Variants in THOC2 observed in about 807,000 individuals in gnomAD.
The protein encoded by THOC2 is THO complex subunit 2, also known as THO complex 2.
Under a neutral mutation model 128.4 loss-of-function variants are expected in THOC2, and 10 were observed. That is an observed-to-expected ratio of 0.08 (90% CI 0.05 to 0.13). The LOEUF (loss-of-function observed/expected upper bound fraction) is 0.13, where lower values mean the gene tolerates loss of function less well. Ranked by LOEUF, THOC2 falls within the 10% of genes least tolerant of loss-of-function variation. The pLI, the probability that THOC2 is intolerant of heterozygous loss-of-function variation, is 1.00. For synonymous variants in THOC2, 393 were observed against 396.9 expected (o/e 0.99, Z 0.12); for missense variants, 535 against 1,155.7 (o/e 0.46, Z 7.79).
intron 7 of THOC2, among the ~76,000 whole-genome samples, chrX:123,688,599 T>A (rs1487881376): frequency 9.0e-6 from 1 of 110,645 alleles, no homozygotes; most frequent in East Asian, 2.8e-4. Flanking sequence ...GGCACATGCC[T>A]GTAGTCCCAG....
chrX:123,673,728 C>A (rs2049373275), intron 8 of THOC2, among the ~76,000 whole-genome samples: 1 of 112,351 alleles, frequency 8.9e-6, no homozygotes, highest in South Asian at 3.7e-4. Context: ...GTGGTGCTCA[C>A]ACAGAGCCTG....
chrX:123,643,602 A>G (rs1324687685), intron 15 of THOC2, among the ~76,000 whole-genome samples: 1 of 110,579 alleles, frequency 9.0e-6, no homozygotes, highest in African/African-American at 3.3e-5. Context: ...ATCTAATATC[A>G]ACTCCTGCCA....
intron 38 of THOC2, among the ~76,000 whole-genome samples, chrX:123,605,429 CAG>C (rs1416212946): frequency 9.0e-6 from 1 of 111,327 alleles, no homozygotes; most frequent in Non-Finnish European, 1.9e-5. Flanking sequence ...ATAATGAAGA[CAG>C]AAATGATTTG....
At chrX:123,613,740 A>G in intron 34 of THOC2, 32 bp from the exon 35 acceptor site, 1 of 1,170,753 alleles carries the variant, frequency 8.5e-7, no homozygotes, top group Non-Finnish European at 1.2e-6. Context: ...TACATTGACC[A>G]AGGGCTTCTG....
chrX:123,640,605 T>C lies in THOC2; in HGVS notation c.1679A>G (p.Asn560Ser), dbSNP rs1390915997. 2 of 1,182,233 alleles carry C rather than the reference T, an allele frequency of 1.7e-6. No individual in the cohort carries two copies. Among genetic ancestry groups the C allele is most frequent in the East Asian group, 6.1e-5 (2 of 32,762 alleles). ...KYIMKRLTKE[N>S]VKPSGRQIGK... is the part of the protein sequence containing the mutation. ...AATTTGTCTTCCAGAAGGCTTCACA[T>C]TTTCCTTGGTTAGGCGCCTACGGAG... is the stretch of plus-strand genomic sequence containing the variant. Residue 560 changes from asparagine (N) to serine (S), a missense_variant, in exon 16 of 39, where the codon AAT becomes AGT. Asn to Ser is a conservative substitution (Grantham distance 46). Transcript: ENST00000245838.
At chrX:123,724,646 C>A (rs894049800) in intron 1 of THOC2, among the ~76,000 whole-genome samples, 1 of 111,085 alleles carries the variant, frequency 9.0e-6, no homozygotes, top group African/African-American at 3.3e-5. Context: ...GACTGCATCA[C>A]CGCACTCCAA....
At chrX:123,627,353 G>C (rs1369444161) in intron 23 of THOC2, among the ~76,000 whole-genome samples, 1 of 111,336 alleles carries the variant, frequency 9.0e-6, no homozygotes, top group Non-Finnish European at 1.9e-5. Context: ...TTCAAGGCCT[G>C]TCCATTTCAA....
intron 33 of THOC2, 72 bp from the exon 34 acceptor site, chrX:123,614,261 A>C: frequency 1.1e-6 from 1 of 904,876 alleles, no homozygotes; most frequent in South Asian, 3.6e-5. Flanking sequence ...TGTTTACTAA[A>C]TGAAACACAA....
chrX:123,615,370 C>G (rs2046850807), intron 33 of THOC2, among the ~76,000 whole-genome samples: 1 of 110,904 alleles, frequency 9.0e-6, no homozygotes, highest in African/African-American at 3.3e-5. Flanking sequence ...CATAGCAATG[C>G]AGAAGTAGAT....
Position 123,698,089 on chromosome X carries a change from T to TAA in THOC2, c.275-340_275-339dup, listed in dbSNP as rs745532091. Among the ~76,000 whole-genome samples the TAA allele has an allele frequency of 7.6e-4, 65 of 85,370 alleles. 1 individual carries two copies. Among genetic ancestry groups the TAA allele is most frequent in the Middle Eastern group, 5.9e-3 (1 of 170 alleles). 74.1% of individuals were successfully genotyped at this position (85,370 alleles called of 115,157 possible). A position where few individuals can be genotyped will look rare whatever the true frequency, so the allele number is the denominator to read the frequency against. On this transcript the variant is annotated intron_variant, in intron 4 of 38. Transcript: ENST00000245838. ...TTAAATGACCACTTGTCAGAGATGC[T>TAA]AAAAAAAAAAAAAAAAGATTATTTT...
chrX:123,667,336 T>TACTG (rs2049087481), intron 10 of THOC2, 58 bp from the exon 11 acceptor site: 1 of 905,024 alleles, frequency 1.1e-6, no homozygotes. Flanking sequence ...GAAATCTTAA[T>TACTG]ACTTTGTCAC....
intron 8 of THOC2, among the ~76,000 whole-genome samples, chrX:123,673,018 T>A (rs1390654715): frequency 8.9e-6 from 1 of 112,506 alleles, no homozygotes; most frequent in Non-Finnish European, 1.9e-5. Flanking sequence ...TGAGATGTCT[T>A]CAATGTAACA....
chrX:123,628,612 G>GGGAT (rs1172854934), intron 22 of THOC2, among the ~76,000 whole-genome samples: 49 of 109,958 alleles, frequency 4.5e-4, no homozygotes, highest in Middle Eastern at 4.6e-3. Flanking sequence ...TTGGGAGGCT[G>GGGAT]AGGTGAGAGG....
Position 123,631,736 on chromosome X carries a change from A to G in THOC2, c.2433T>C (p.His811=). The G allele has an allele frequency of 8.3e-7, 1 of 1,210,512 alleles. No individual in the cohort carries two copies. The highest frequency in any genetic ancestry group is 1.1e-6 in the Non-Finnish European group (1 of 894,397). The change falls in exon 22 of 39, where the codon CAT becomes CAC. Residue 811 remains histidine, a synonymous_variant. Coordinates refer to ENST00000245838, the MANE Select transcript of THOC2 (RefSeq NM_001081550.2). The part of the protein sequence containing the change: ...DVLCNEFHTP[H]DAAFFLSRPM... ...GCCTAGACAGGAAAAATGCTGCATC[A>G]TGGGGTGTATGAAATTCATTACAGA...
At chrX:123,633,464 G>A (rs1603252985) in intron 20 of THOC2, among the ~76,000 whole-genome samples, 1 of 111,378 alleles carries the variant, frequency 9.0e-6, no homozygotes, top group South Asian at 3.8e-4. Context: ...GTACGATGGC[G>A]AGATCTTGGC....
chrX:123,671,339 G>A (rs1461751276), intron 9 of THOC2, among the ~76,000 whole-genome samples: 2 of 111,472 alleles, frequency 1.8e-5, no homozygotes, highest in Non-Finnish European at 3.8e-5. Flanking sequence ...AAACCACATT[G>A]GTTAGAACTT....
chrX:123,648,040 C>T (rs1263740811), intron 12 of THOC2, among the ~76,000 whole-genome samples: 3 of 110,350 alleles, frequency 2.7e-5, no homozygotes, highest in Non-Finnish European at 3.8e-5. Flanking sequence ...GGAACAGCTC[C>T]GGTCTGCAGC....
At chrX:123,635,346 G>GT (rs755929344) in intron 19 of THOC2, among the ~76,000 whole-genome samples, 1 of 111,659 alleles carries the variant, frequency 9.0e-6, no homozygotes, top group Non-Finnish European at 1.9e-5. Context: ...TAAGTTTAAA[G>GT]TTTTTTTAAG....
chrX:123,680,786 T>G (rs1276443199), intron 8 of THOC2, among the ~76,000 whole-genome samples: 1 of 111,891 alleles, frequency 8.9e-6, no homozygotes, highest in South Asian at 3.8e-4. Context: ...TTTTAACTGC[T>G]CAGTCCAAAA....
Sources: allele counts gnomAD v4.1 joint callset (sites outside exome capture counted in the v4.1 genomes callset), GRCh38; gene constraint gnomAD v4.1.1; transcripts MANE v1.5; gene names NCBI Gene and HGNC (gene_info 2026-07-23, HGNC 2026-07-21).